SOX6: variants seen among roughly 807,000 people sequenced by gnomAD.
SOX6 encodes transcription factor SOX-6.
SOX6 carries 11 observed loss-of-function variants against 97.8 expected under a neutral mutation model. The observed-to-expected ratio is 0.11, with a 90% CI of 0.07 to 0.19. SOX6 has a LOEUF of 0.19. SOX6 is among the 10% of genes least tolerant of loss of function. The pLI, the probability that SOX6 is intolerant of heterozygous loss-of-function variation, is 1.00. For missense variants in SOX6, 810 were observed against 1,039.5 expected, an observed-to-expected ratio of 0.78 and a Z score of 3.04; for synonymous variants, 360 against 371.4, an observed-to-expected ratio of 0.97 and a Z score of 0.35.
At position 16,607,014 on chromosome 11, in the gene SOX6, G is replaced by C. The variant is rs1848342165; in HGVS notation, n.609+5067C>G. Among the ~76,000 whole-genome samples, 1 of 151,492 alleles carries C rather than the reference G, an allele frequency of 6.6e-6. No homozygotes were observed. Among genetic ancestry groups the C allele is most frequent in the Non-Finnish European group, 1.5e-5 (1 of 67,788 alleles). ...CGGCCCCTCGGAGCGCCCTCCTCCC[G>C]CTCCTCCTCCTCCTTTCCCCTCCCC... On this transcript the variant is annotated intron_variant and non_coding_transcript_variant, in intron 4 of 5. Coordinates refer to the SOX6 transcript ENST00000524520. This position sits in a 1 kb window ranked among gnomAD's most constrained non-coding sequence, Gnocchi z 6.5.
chr11:16,249,793 C>T (rs1001844268), intron 3 of SOX6, among the ~76,000 whole-genome samples: 4 of 152,148 alleles, frequency 2.6e-5, no homozygotes, highest in Non-Finnish European at 5.9e-5. Flanking sequence ...CAGTCTAGTG[C>T]TAACTATTGT....
At chr11:15,986,628 A>G (rs1853850081) in intron 14 of SOX6, among the ~76,000 whole-genome samples, 1 of 152,206 alleles carries the variant, frequency 6.6e-6, no homozygotes, top group Non-Finnish European at 1.5e-5. Flanking sequence ...ATTTATCTCA[A>G]TAGTTTAAGA....
At chr11:16,351,376 A>C (rs1368367534) in intron 1 of SOX6, among the ~76,000 whole-genome samples, 2 of 152,048 alleles carry the variant, frequency 1.3e-5, no homozygotes, top group East Asian at 3.9e-4. Flanking sequence ...CATACTTATA[A>C]TCACCTTAGC....
At position 16,046,580 on chromosome 11, in the gene SOX6, T is replaced by G; in HGVS notation, c.1557A>C (p.Pro519=). ...AGGACAGTTTCCCGTCAACACCATGTGGCTGTTGCTGCTGTTGCTCCCGCT... is the reference window on the plus strand; with the variant it reads ...AGGACAGTTTCCCGTCAACACCATGGGGCTGTTGCTGCTGTTGCTCCCGCT... ...QIQREQQQQQ[P]HGVDGKLSSI... is the part of the protein sequence containing the mutation. The change falls in exon 12 of 16, where the codon CCA becomes CCC. Residue 519 remains proline, a synonymous_variant. Transcript: ENST00000683767. The G allele has an allele frequency of 6.2e-7, 1 of 1,613,816 alleles. No homozygotes were observed. The highest frequency in any genetic ancestry group is 1.3e-5 in the African/African-American group (1 of 75,038).
At chr11:16,281,657 G>A (rs899099813) in intron 3 of SOX6, among the ~76,000 whole-genome samples, 3 of 151,786 alleles carry the variant, frequency 2.0e-5, no homozygotes, top group African/African-American at 7.2e-5. Context: ...ATTAATATCT[G>A]TTAATATAGT....
chr11:16,281,396 T>G (rs1010475536), intron 3 of SOX6, among the ~76,000 whole-genome samples: 2 of 152,042 alleles, frequency 1.3e-5, no homozygotes, highest in African/African-American at 2.4e-5. Flanking sequence ...GAATTACCAT[T>G]GAAGATATGA....
chr11:15,992,270 G>A (rs1854077018), intron 13 of SOX6, among the ~76,000 whole-genome samples: 1 of 152,122 alleles, frequency 6.6e-6, no homozygotes, highest in South Asian at 2.1e-4. Context: ...ACCAAGATTT[G>A]GGAAGAAGAG....
At chr11:16,277,072 C>G (rs1262210134) in intron 3 of SOX6, among the ~76,000 whole-genome samples, 2 of 152,196 alleles carry the variant, frequency 1.3e-5, no homozygotes, top group East Asian at 3.9e-4. Context: ...ACATTGTCAC[C>G]GAAGAATCCT....
chr11:16,126,303 G>A (rs1849611854), intron 6 of SOX6, among the ~76,000 whole-genome samples: 1 of 151,950 alleles, frequency 6.6e-6, no homozygotes, highest in South Asian at 2.1e-4. Context: ...TCCCCCAAAT[G>A]AATGACACAA....
At chr11:16,347,497 T>C (rs960559490) in intron 1 of SOX6, among the ~76,000 whole-genome samples, 1 of 152,130 alleles carries the variant, frequency 6.6e-6, no homozygotes, top group Non-Finnish European at 1.5e-5. Flanking sequence ...GAAAGACCTC[T>C]GTGTGGCTGG....
At chr11:16,534,046 A>G (rs1861274215) in intron 4 of SOX6, among the ~76,000 whole-genome samples, 1 of 152,184 alleles carries the variant, frequency 6.6e-6, no homozygotes, top group Non-Finnish European at 1.5e-5. Flanking sequence ...AATCAGAATC[A>G]ATAACTGGCA....
In SOX6 at chr11:16,623,358, T is replaced by C. The variant is rs1416060221; in HGVS notation, n.430-11098A>G. Among the ~76,000 whole-genome samples the C allele has an allele frequency of 4.6e-5, 7 of 152,196 alleles. No individual in the cohort carries two copies. In the East Asian group the frequency reaches 1.3e-3, roughly 29 times the overall value. ...TTAATATGTTTGTTGGCCATTTGTA[T>C]GTCTTCTTTGGAGAATTGTCTATTC... On this transcript the variant is annotated intron_variant and non_coding_transcript_variant, in intron 3 of 5. Coordinates refer to the SOX6 transcript ENST00000524520.
At chr11:16,196,556 G>A (rs1268518049) in intron 4 of SOX6, among the ~76,000 whole-genome samples, 1 of 152,082 alleles carries the variant, frequency 6.6e-6, no homozygotes, top group Non-Finnish European at 1.5e-5. Flanking sequence ...ATATCCCAGC[G>A]ACTAGTACAA....
intron 3 of SOX6, among the ~76,000 whole-genome samples, chr11:16,688,518 A>T (rs1847986552): frequency 6.6e-6 from 1 of 152,054 alleles, no homozygotes; most frequent in Non-Finnish European, 1.5e-5. Flanking sequence ...TGTTATCAAG[A>T]TATTTAATCT....
intron 6 of SOX6, among the ~76,000 whole-genome samples, chr11:16,113,487 A>G (rs1849277334): frequency 6.6e-6 from 1 of 152,304 alleles, no homozygotes; most frequent in Middle Eastern, 3.4e-3. Flanking sequence ...TTAACCCTGA[A>G]GAAAAGCACC....
chr11:16,649,281 T>C (rs187174692), intron 3 of SOX6, among the ~76,000 whole-genome samples: 20 of 152,272 alleles, frequency 1.3e-4, no homozygotes, highest in Admixed American at 1.3e-3. Flanking sequence ...ACCTGGGAAA[T>C]TCATTGCAGA....
chr11:16,154,207 C>T (rs554619106), intron 6 of SOX6, among the ~76,000 whole-genome samples: 6 of 151,958 alleles, frequency 3.9e-5, no homozygotes, highest in African/African-American at 1.2e-4. Flanking sequence ...TATCAAGGAA[C>T]TATGCCGTAA....
At chr11:16,163,585 C>A (rs559894798) in intron 6 of SOX6, among the ~76,000 whole-genome samples, 1 of 152,228 alleles carries the variant, frequency 6.6e-6, no homozygotes, top group Non-Finnish European at 1.5e-5. Context: ...CAAACTCTTC[C>A]CACACATACT....
chr11:16,052,949 CT>C (rs1847721586), intron 10 of SOX6, among the ~76,000 whole-genome samples: 1 of 152,152 alleles, frequency 6.6e-6, no homozygotes, highest in South Asian at 2.1e-4. Flanking sequence ...GGTGTTTCCC[CT>C]TACCTCAGGT....
Sources: allele counts gnomAD v4.1 joint callset (sites outside exome capture counted in the v4.1 genomes callset), GRCh38; gene constraint gnomAD v4.1.1; non-coding constraint Gnocchi (gnomAD v3.1); transcripts MANE v1.5; gene names NCBI Gene and HGNC (gene_info 2026-07-23, HGNC 2026-07-21).